The following RIPK1 variants were observed in gnomAD, a reference collection of about 807,000 sequenced individuals.
RIPK1 encodes receptor interacting serine/threonine kinase 1.
Under a neutral mutation model 62.4 loss-of-function variants are expected in RIPK1, and 27 were observed. The observed-to-expected ratio is 0.43, with a 90% CI of 0.32 to 0.60. The LOEUF (loss-of-function observed/expected upper bound fraction) is 0.60. RIPK1 is among the 20% of genes least tolerant of loss of function. The probability of loss-of-function intolerance (pLI) is 0.07; values close to 1 mark genes in which losing one functional copy is unlikely to be tolerated. For synonymous variants in RIPK1, 287 were observed against 303.2 expected (o/e 0.95, Z 0.55); for missense variants, 735 against 831.0 (o/e 0.88, Z 1.42).
upstream of RIPK1, among the ~76,000 whole-genome samples, chr6:3,064,648 A>G (rs186333306): frequency 4.9e-3 from 748 of 151,648 alleles, 5 homozygotes; most frequent in African/African-American, 0.017. Context: ...CGTGCTGGGG[A>G]GGGTCGCGCC....
Position 3,072,560 on chromosome 6 carries a change from A to C in RIPK1, c.-61+3899A>C, listed in dbSNP as rs1285101160. 6.6e-6 allele frequency among the ~76,000 whole-genome samples: 1 copy of C among 152,162 alleles called. No homozygotes were observed. The highest frequency in any genetic ancestry group is 1.5e-5 in the Non-Finnish European group (1 of 68,040). On this transcript the variant is annotated intron_variant, in intron 1 of 10. Transcript: ENST00000259808. The surrounding 1 kb of genome is among the most constrained non-coding windows in gnomAD (Gnocchi z 5.6). ...ACAATTAAATAGTTCTCTTTTTAAA[A>C]TAGTTATTCAATTGATGATGGGCCG...
chr6:3,095,017 C>T (rs1038033468), intron 7 of RIPK1, among the ~76,000 whole-genome samples: 5 of 151,940 alleles, frequency 3.3e-5, no homozygotes, highest in Admixed American at 1.3e-4. Flanking sequence ...ATGATCATGC[C>T]GCTGCACTCC....
upstream of RIPK1, chr6:3,068,052 A>G: frequency 7.1e-6 from 2 of 280,972 alleles, no homozygotes; most frequent in Non-Finnish European, 1.1e-5. Flanking sequence ...CCTGATGTGC[A>G]TATAATTTTA....
Position 3,072,211 on chromosome 6 carries a change from C to A in RIPK1, c.-61+3550C>A, listed in dbSNP as rs1051529453. The stretch of plus-strand genomic sequence containing the variant: ...AGAAATACTGAGTCAAGGAATTATT[C>A]CTTTCAAAAAAATAATTTTAATTTT... On this transcript the variant is annotated intron_variant, in intron 1 of 10. Coordinates refer to ENST00000259808, the MANE Select transcript of RIPK1 (RefSeq NM_001354930.2). This position sits in a 1 kb window ranked among gnomAD's most constrained non-coding sequence, Gnocchi z 5.6. Among the ~76,000 whole-genome samples the A allele has an allele frequency of 3.3e-5, 5 of 152,032 alleles. No individual in the cohort carries two copies. The highest frequency in any genetic ancestry group is 7.4e-5 in the Non-Finnish European group (5 of 68,004).
intron 7 of RIPK1, among the ~76,000 whole-genome samples, chr6:3,090,888 G>A (rs867278828): frequency 0.4 from 4,960 of 12,376 alleles, 108 homozygotes; most frequent in Middle Eastern, 0.56. Flanking sequence ...ACCGCAGCGC[G>A]CCTACCTGCC....
chr6:3,106,011 A>G lies in RIPK1; in HGVS notation c.1536A>G (p.Gly512=). 4 of 1,612,704 alleles carry G rather than the reference A, an allele frequency of 2.5e-6. No individual in the cohort carries two copies. The highest frequency in any genetic ancestry group is 3.4e-6 in the Non-Finnish European group (4 of 1,178,770). The change falls in exon 9 of 11, where the codon GGA becomes GGG. Residue 512 remains glycine (G), a synonymous_variant. Coordinates refer to ENST00000259808, the MANE Select transcript of RIPK1 (RefSeq NM_001354930.2). ...CAGTGCCTGAGACCAACTATCTAGG[A>G]AATACACCCACCATGCCATTCAGCT... ...NIPVPETNYL[G]NTPTMPFSSL...
chr6:3,113,300 C>T lies in RIPK1; in HGVS notation c.1977C>T (p.Ile659=), dbSNP rs1461085572. The T allele has an allele frequency of 1.2e-6, 2 of 1,614,018 alleles. No individual in the cohort carries two copies. Among genetic ancestry groups the T allele is most frequent in the African/African-American group, 1.3e-5 (1 of 74,928 alleles). Residue 659 remains isoleucine, a synonymous_variant, in exon 11 of 11, where the codon ATC becomes ATT. Transcript: ENST00000259808. This position sits in a 1 kb window ranked among gnomAD's most constrained non-coding sequence, Gnocchi z 5.0. ...LAQALHQCSR[I]DLLSSLIYVS... is the part of the protein sequence containing the mutation. ...AGGCGCTCCACCAGTGTTCCAGGATCGACCTTCTGAGCAGCTTGATTTACG... is the reference window on the plus strand; with the variant it reads ...AGGCGCTCCACCAGTGTTCCAGGATTGACCTTCTGAGCAGCTTGATTTACG...
chr6:3,077,073 C>T (rs748907969), intron 2 of RIPK1, 86 bp downstream of exon 2: 119 of 1,321,564 alleles, frequency 9.0e-5, no homozygotes, highest in Admixed American at 5.1e-4. Context: ...GCTGCGGAGC[C>T]GTTGGTGGGT....
chr6:3,065,008 C>G (rs1758312083), upstream of RIPK1, among the ~76,000 whole-genome samples: 7 of 151,722 alleles, frequency 4.6e-5, no homozygotes, highest in Admixed American at 4.6e-4. Flanking sequence ...TCTGGGAGGC[C>G]GAGGCGGGCG....
chr6:3,107,137 A>G (rs1346312895), intron 9 of RIPK1, among the ~76,000 whole-genome samples: 1 of 152,084 alleles, frequency 6.6e-6, no homozygotes, highest in African/African-American at 2.4e-5. Flanking sequence ...CTTTAGCCCC[A>G]GCTACTAGGG....
intron 6 of RIPK1, 90 bp from the exon 7 acceptor site, chr6:3,089,491 G>A: frequency 2.8e-6 from 2 of 705,156 alleles, no homozygotes; most frequent in Non-Finnish European, 5.0e-6. Context: ...CACAGATTGA[G>A]GTAAGTAATT....
At chr6:3,107,434 G>A (rs370695788) in intron 9 of RIPK1, among the ~76,000 whole-genome samples, 242 of 149,978 alleles carry the variant, frequency 1.6e-3, no homozygotes, top group African/African-American at 5.7e-3. Context: ...GCATAGTGGC[G>A]TGCGCCTGTA....
intron 2 of RIPK1, 83 bp downstream of exon 2, chr6:3,077,070 A>G (rs1581386473): frequency 7.3e-7 from 1 of 1,360,560 alleles, no homozygotes; most frequent in Non-Finnish European, 1.0e-6. Context: ...GCTGCTGCGG[A>G]GCCGTTGGTG....
intron 5 of RIPK1, among the ~76,000 whole-genome samples, chr6:3,084,079 T>C (rs937509355): frequency 2.6e-5 from 4 of 152,168 alleles, no homozygotes; most frequent in African/African-American, 9.7e-5. Flanking sequence ...AACCTGTGAA[T>C]TCAAGATATA....
intron 1 of RIPK1, among the ~76,000 whole-genome samples, chr6:3,073,939 C>T (rs545758454): frequency 8.5e-5 from 13 of 152,358 alleles, no homozygotes; most frequent in Admixed American, 2.0e-4. Context: ...TCTCCTTTCC[C>T]GTCATCTGTC....
chr6:3,096,553 T>G (rs1230598966), intron 7 of RIPK1, among the ~76,000 whole-genome samples: 3 of 109,678 alleles, frequency 2.7e-5, no homozygotes, highest in East Asian at 2.2e-4. Flanking sequence ...ATCTCAAGTT[T>G]TTTTTTTTTT....
chr6:3,097,239 A>C (rs1232624358), intron 7 of RIPK1, among the ~76,000 whole-genome samples: 1 of 152,110 alleles, frequency 6.6e-6, no homozygotes, highest in Non-Finnish European at 1.5e-5. Flanking sequence ...TGACAAACCT[A>C]CTCTGAAATC....
chr6:3,090,853 G>GCGCACCTACCTGCCGCACCT, intron 7 of RIPK1, among the ~76,000 whole-genome samples: 2 of 102,412 alleles, frequency 2.0e-5, no homozygotes, highest in Non-Finnish European at 3.4e-5. Context: ...AGTAACCGCA[G>GCGCACCTACCTGCCGCACCT]AGTACCTACC....
chr6:3,067,432 A>G (rs1441045776), upstream of RIPK1, among the ~76,000 whole-genome samples: 13 of 152,174 alleles, frequency 8.5e-5, no homozygotes, highest in Admixed American at 8.5e-4. Context: ...AATTTTAGCC[A>G]TTCTAATAAA....
Sources: gnomAD v4.1 joint callset for allele counts (sites outside exome capture counted in the v4.1 genomes callset) on GRCh38, gnomAD v4.1.1 for gene constraint, Gnocchi (gnomAD v3.1) non-coding constraint, MANE v1.5 for transcripts, NCBI Gene and HGNC (gene_info 2026-07-23, HGNC 2026-07-21) for gene names.